The following MACROD2 variants were observed in gnomAD, a reference collection of about 807,000 sequenced individuals.
MACROD2 encodes mono-ADP ribosylhydrolase 2, also known as ADP-ribose glycohydrolase MACROD2.
In MACROD2, 36 loss-of-function variants were observed where a neutral mutation model predicts 70.4. The ratio of observed to expected loss-of-function variants is 0.51; its 90% CI spans 0.39 to 0.68. The LOEUF is 0.68. MACROD2 is among the 30% of genes least tolerant of loss of function. The probability of loss-of-function intolerance (pLI) is 0.00; values close to 1 mark genes in which losing one functional copy is unlikely to be tolerated. For missense variants in MACROD2, 496 were observed against 538.4 expected, an observed-to-expected ratio of 0.92 and a Z score of 0.78; for synonymous variants, 172 against 178.8, an observed-to-expected ratio of 0.96 and a Z score of 0.30.
At chr20:15,188,553 T>A (rs1401681705) in intron 5 of MACROD2, among the ~76,000 whole-genome samples, 1 of 152,228 alleles carries the variant, frequency 6.6e-6, no homozygotes, top group Non-Finnish European at 1.5e-5. Context: ...AAGCCCGTAT[T>A]CTTCTCTTCA....
chr20:15,047,388 G>A (rs373399), intron 5 of MACROD2, among the ~76,000 whole-genome samples: 47,150 of 151,802 alleles, frequency 0.31, 9,646 homozygotes, highest in African/African-American at 0.59. Context: ...ACACTTACTG[G>A]CAGCAATCAT....
At chr20:14,446,601 A>G (rs1338251596) in intron 3 of MACROD2, among the ~76,000 whole-genome samples, 3 of 152,076 alleles carry the variant, frequency 2.0e-5, no homozygotes. Flanking sequence ...CCAATTCTTA[A>G]CCAGAATGAC....
At chr20:16,011,702 G>A (rs955591260) in intron 15 of MACROD2, among the ~76,000 whole-genome samples, 1 of 151,894 alleles carries the variant, frequency 6.6e-6, no homozygotes, top group African/African-American at 2.4e-5. Flanking sequence ...GCATCCAGAT[G>A]CCCTTGAGGC....
At chr20:15,196,754 A>G (rs2145921755) in intron 5 of MACROD2, 1 of 390,910 alleles carries the variant, frequency 2.6e-6, no homozygotes, top group Non-Finnish European at 3.5e-6. Flanking sequence ...AAGGTACAAT[A>G]TGTACTTGAA....
At chr20:15,425,834 A>C (rs998741765) in intron 6 of MACROD2, among the ~76,000 whole-genome samples, 2 of 152,214 alleles carry the variant, frequency 1.3e-5, no homozygotes, top group Non-Finnish European at 2.9e-5. Flanking sequence ...CCCACTTTGC[A>C]AGAATGCCTA....
At chr20:14,980,048 A>C (rs2423896) in intron 5 of MACROD2, among the ~76,000 whole-genome samples, 5,257 of 152,260 alleles carry the variant, frequency 0.035, 125 homozygotes, top group Admixed American at 0.051. Flanking sequence ...GTTTCAGGAA[A>C]CTTGTAAGCA....
intron 8 of MACROD2, among the ~76,000 whole-genome samples, chr20:15,729,263 A>G (rs1600814779): frequency 6.6e-6 from 1 of 152,158 alleles, no homozygotes; most frequent in Middle Eastern, 3.4e-3. Context: ...GTTTGGTATG[A>G]TTTTAATTTT....
intron 5 of MACROD2, among the ~76,000 whole-genome samples, chr20:15,160,147 G>T (rs890511277): frequency 1.3e-5 from 2 of 152,108 alleles, no homozygotes; most frequent in Admixed American, 1.3e-4. Flanking sequence ...TATTTGGCCA[G>T]GGTGTGTTGA....
intron 1 of MACROD2, among the ~76,000 whole-genome samples, chr20:14,001,773 C>T (rs569627261): frequency 1.3e-5 from 2 of 151,962 alleles, no homozygotes; most frequent in East Asian, 3.9e-4. Context: ...AGGCACTTCA[C>T]GTGGCAAGAA....
intron 3 of MACROD2, among the ~76,000 whole-genome samples, chr20:14,166,877 T>G (rs888702989): frequency 2.0e-5 from 3 of 152,224 alleles, no homozygotes; most frequent in Non-Finnish European, 4.4e-5. Flanking sequence ...AAATATAAAC[T>G]GGATACAACT....
chr20:15,880,551 C>T (rs1601047474), intron 9 of MACROD2, among the ~76,000 whole-genome samples: 1 of 151,806 alleles, frequency 6.6e-6, no homozygotes, highest in Non-Finnish European at 1.5e-5. Flanking sequence ...AGCCAGTTAC[C>T]ACTGGACAAC....
intron 3 of MACROD2, among the ~76,000 whole-genome samples, chr20:14,345,312 A>G (rs913984627): frequency 2.0e-5 from 3 of 152,290 alleles, no homozygotes; most frequent in Non-Finnish European, 4.4e-5. Context: ...TTTCTAGCTT[A>G]TATCTGAGAG....
intron 4 of MACROD2, among the ~76,000 whole-genome samples, chr20:14,606,597 G>T (rs1481441955): frequency 6.6e-6 from 1 of 152,052 alleles, no homozygotes; most frequent in Non-Finnish European, 1.5e-5. Flanking sequence ...AATTATTATT[G>T]TTTTATGTCA....
chr20:14,861,708 G>A (rs997889423), intron 5 of MACROD2, among the ~76,000 whole-genome samples: 4 of 151,370 alleles, frequency 2.6e-5, no homozygotes, highest in Admixed American at 2.6e-4. Flanking sequence ...GGGCAGACTG[G>A]CACTTTCTCA....
rs933987457 is a variant in MACROD2 at position 14,218,626 on chromosome 20, G to A, written c.271+132898G>A. ...TTTAACTTGTATTTTTGTTTTATAG[G>A]TCCTGTGTGATTTATGCTTTAAAGA... On this transcript the variant is annotated intron_variant, in intron 3 of 17. Coordinates refer to ENST00000684519, the MANE Select transcript of MACROD2 (RefSeq NM_001351661.2). 2.0e-5 allele frequency among the ~76,000 whole-genome samples: 3 copies of A among 152,014 alleles called. No homozygotes were observed. The South Asian group carries it at 6.2e-4, about 32-fold the overall frequency.
intron 3 of MACROD2, among the ~76,000 whole-genome samples, chr20:14,366,661 G>A (rs1006481526): frequency 2.0e-5 from 3 of 151,990 alleles, no homozygotes; most frequent in South Asian, 2.1e-4. Flanking sequence ...CACCACACCC[G>A]GCCAACAATT....
At chr20:15,858,001 T>G (rs1038025593) in intron 8 of MACROD2, among the ~76,000 whole-genome samples, 1 of 152,110 alleles carries the variant, frequency 6.6e-6, no homozygotes, top group Admixed American at 6.6e-5. Flanking sequence ...CCCTAGAAAT[T>G]TGAGTCCATC....
At chr20:15,376,429 G>C (rs575873820) in intron 6 of MACROD2, among the ~76,000 whole-genome samples, 2 of 152,244 alleles carry the variant, frequency 1.3e-5, no homozygotes, top group African/African-American at 4.8e-5. Context: ...GGTCAATACA[G>C]AGCTGCCTAA....
At chr20:15,019,151 G>A (rs2122956612) in intron 5 of MACROD2, among the ~76,000 whole-genome samples, 1 of 152,062 alleles carries the variant, frequency 6.6e-6, no homozygotes, top group Non-Finnish European at 1.5e-5. Flanking sequence ...TTCTTCCTCT[G>A]AACACACACA....
Sources: gnomAD v4.1 joint callset for allele counts (sites outside exome capture counted in the v4.1 genomes callset) on GRCh38, gnomAD v4.1.1 for gene constraint, MANE v1.5 for transcripts, NCBI Gene and HGNC (gene_info 2026-07-23, HGNC 2026-07-21) for gene names.